The following FOXO1 variants were observed in gnomAD, a reference collection of about 807,000 sequenced individuals.
FOXO1 encodes forkhead box O1.
In FOXO1, 6 loss-of-function variants were observed where a neutral mutation model predicts 44.1. The ratio of observed to expected loss-of-function variants is 0.14; its 90% CI spans 0.07 to 0.27. The LOEUF (loss-of-function observed/expected upper bound fraction) is 0.27, where lower values mean the gene tolerates loss of function less well. Among genes scored for constraint, FOXO1 ranks in the 10% least tolerant of loss-of-function variants. The pLI is 1.00. For synonymous variants in FOXO1, 380 were observed against 362.7 expected, an observed-to-expected ratio of 1.05 and a Z score of -0.54; for missense variants, 737 against 888.8, an observed-to-expected ratio of 0.83 and a Z score of 2.17.
Position 40,560,291 on chromosome 13 carries a change from C to T in FOXO1, c.1200G>A (p.Gln400=). Reference sequence around the variant, plus strand: ...GCGCAAACGAGTAGCACGGCGTCTGCTGCATCATGGTGCCAGGTGAGGACT... The same window carrying T: ...GCGCAAACGAGTAGCACGGCGTCTGTTGCATCATGGTGCCAGGTGAGGACT... ...STQSSPGTMM[Q]QTPCYSFAPP... Residue 400 remains glutamine, a synonymous_variant, in exon 2 of 3, where the codon CAG becomes CAA. Transcript: ENST00000379561. The surrounding 1 kb of genome is among the most constrained non-coding windows in gnomAD (Gnocchi z 5.1). 6.2e-7 allele frequency: 1 copy of T among 1,614,184 alleles called. No individual in the cohort carries two copies. Among genetic ancestry groups the T allele is most frequent in the Non-Finnish European group, 8.5e-7 (1 of 1,180,044 alleles).
chr13:40,637,376 G>A (rs1323708537), intron 1 of FOXO1, among the ~76,000 whole-genome samples: 2 of 149,968 alleles, frequency 1.3e-5, no homozygotes, highest in Non-Finnish European at 3.0e-5. Context: ...CCCGGGAGGC[G>A]GAGGTTGCAG....
intron 1 of FOXO1, among the ~76,000 whole-genome samples, chr13:40,606,930 T>G (rs573522055): frequency 6.6e-6 from 1 of 152,342 alleles, no homozygotes; most frequent in South Asian, 2.1e-4. Flanking sequence ...AGTCATATCA[T>G]GCAATGCTCT....
At chr13:40,585,343 G>GCACA (rs1555248752) in intron 1 of FOXO1, among the ~76,000 whole-genome samples, 2,998 of 147,084 alleles carry the variant, frequency 0.02, 28 homozygotes, top group Middle Eastern at 0.031. Flanking sequence ...CTGCGCGCGC[G>GCACA]CACACACACA....
intron 1 of FOXO1, among the ~76,000 whole-genome samples, chr13:40,632,785 A>C (rs942049635): frequency 6.6e-5 from 10 of 152,078 alleles, no homozygotes; most frequent in Admixed American, 6.6e-4. Flanking sequence ...TCTACTAAAA[A>C]TAAAAAAAAA....
At position 40,657,373 on chromosome 13, in the gene FOXO1, C is replaced by T. The variant is rs189317082; in HGVS notation, c.630+8210G>A. Among the ~76,000 whole-genome samples, 275 of 144,164 alleles carry T rather than the reference C, an allele frequency of 1.9e-3. 1 individual carries two copies. Among genetic ancestry groups the T allele is most frequent in the African/African-American group, 6.9e-3 (266 of 38,408 alleles). 94.6% of individuals were successfully genotyped at this position (144,164 alleles called of 152,430 possible). On this transcript the variant is annotated intron_variant, in intron 1 of 2. Coordinates refer to ENST00000379561, the MANE Select transcript of FOXO1 (RefSeq NM_002015.4). ...TTGCTGTGTCGCCCAGGCTGGACTACAGTGGCGTGATCTCGGCTAACCGCA... is the reference window on the plus strand; with the variant it reads ...TTGCTGTGTCGCCCAGGCTGGACTATAGTGGCGTGATCTCGGCTAACCGCA...
At chr13:40,561,943 CAA>C (rs60373589) in intron 1 of FOXO1, among the ~76,000 whole-genome samples, 19 of 67,558 alleles carry the variant, frequency 2.8e-4, no homozygotes, top group Non-Finnish European at 3.1e-4. Flanking sequence ...ACTCTGTCGC[CAA>C]AAAAAAAAAA....
chr13:40,578,969 A>C (rs1247818477), intron 1 of FOXO1, among the ~76,000 whole-genome samples: 1 of 152,218 alleles, frequency 6.6e-6, no homozygotes, highest in East Asian at 1.9e-4. Context: ...ATGCTGATCT[A>C]ATGGCAAGAC....
intron 1 of FOXO1, among the ~76,000 whole-genome samples, chr13:40,562,457 A>C (rs995730904): frequency 2.0e-5 from 3 of 152,300 alleles, no homozygotes; most frequent in Admixed American, 2.0e-4. Flanking sequence ...AATGTGTCTT[A>C]AGTTTCCTCA....
chr13:40,574,371 G>A (rs908997511), intron 1 of FOXO1, among the ~76,000 whole-genome samples: 2 of 152,216 alleles, frequency 1.3e-5, no homozygotes, highest in African/African-American at 4.8e-5. Context: ...GCTGTATGAT[G>A]CCCTGGTGTC....
rs1593393291 is a variant in FOXO1 at position 40,596,457 on chromosome 13, GCTT to G, written c.631-35600_631-35598del. Among the ~76,000 whole-genome samples, 4 of 152,316 alleles carry G rather than the reference GCTT, an allele frequency of 2.6e-5. No individual in the cohort carries two copies. The East Asian group carries it at 7.7e-4, about 29-fold the overall frequency. On this transcript the variant is annotated intron_variant, in intron 1 of 2. Coordinates refer to ENST00000379561, the MANE Select transcript of FOXO1 (RefSeq NM_002015.4). ...TATGAGAAATGAAATTTTAAAACTA[GCTT>G]TAGGAAGAGATGTAGCTTTGGAGAT...
chr13:40,571,615 G>A (rs1189446661), intron 1 of FOXO1, among the ~76,000 whole-genome samples: 1 of 152,132 alleles, frequency 6.6e-6, no homozygotes, highest in Non-Finnish European at 1.5e-5. Context: ...AACTTCGACT[G>A]AATTAACTAC....
intron 1 of FOXO1, among the ~76,000 whole-genome samples, chr13:40,634,618 G>A (rs1221096924): frequency 6.6e-6 from 1 of 152,126 alleles, no homozygotes; most frequent in Non-Finnish European, 1.5e-5. Flanking sequence ...TTCCAGCCTG[G>A]GCAGCAGGGC....
At chr13:40,661,210 C>G (rs1231896219) in intron 1 of FOXO1, among the ~76,000 whole-genome samples, 2 of 152,180 alleles carry the variant, frequency 1.3e-5, no homozygotes, top group African/African-American at 4.8e-5. Flanking sequence ...GCATAACCCC[C>G]TCATCCATTT....
intron 1 of FOXO1, among the ~76,000 whole-genome samples, chr13:40,602,938 C>A (rs1375911910): frequency 6.6e-6 from 1 of 152,158 alleles, no homozygotes; most frequent in African/African-American, 2.4e-5. Flanking sequence ...AGGTCCCAAT[C>A]CAGAGGCAAC....
chr13:40,562,706 T>C (rs1268571226), intron 1 of FOXO1: 1 of 152,262 alleles, frequency 6.6e-6, no homozygotes, highest in African/African-American at 2.4e-5. Flanking sequence ...TGCAAATATA[T>C]GGTGAAAGGG....
At chr13:40,665,216 G>C (rs1878186976) in intron 1 of FOXO1, among the ~76,000 whole-genome samples, 1 of 152,008 alleles carries the variant, frequency 6.6e-6, no homozygotes, top group African/African-American at 2.4e-5. Flanking sequence ...AGGTCCGGGA[G>C]GGAAGGGGCA....
At chr13:40,568,059 A>G (rs1324904231) in intron 1 of FOXO1, among the ~76,000 whole-genome samples, 1 of 152,190 alleles carries the variant, frequency 6.6e-6, no homozygotes, top group Non-Finnish European at 1.5e-5. Flanking sequence ...CGTGCATTTC[A>G]GATGTGAGCA....
Position 40,648,650 on chromosome 13 carries a change from C to T in FOXO1, c.630+16933G>A, listed in dbSNP as rs1877582616. On this transcript the variant is annotated intron_variant, in intron 1 of 2. Transcript: ENST00000379561. ...CAAAATGTGTATTTCCCCACACTAT[C>T]ACAGGAAACAAAACAAGGGAATTCC... is the stretch of plus-strand genomic sequence containing the variant. Among the ~76,000 whole-genome samples the T allele has an allele frequency of 2.6e-5, 4 of 152,086 alleles. No homozygotes were observed. In the South Asian group the frequency reaches 8.3e-4, roughly 32 times the overall value.
Position 40,560,550 on chromosome 13 carries a change from C to T in FOXO1, c.941G>A (p.Arg314His), listed in dbSNP as rs760747458. ...NDDFDNWSTF[R>H]PRTSSNASTI... ...ACTAGCATTTGAGCTAGTTCGAGGG[C>T]GAAATGTACTCCAGTTATCAAAGTC... Residue 314 changes from arginine (R) to histidine (H), a missense_variant, in exon 2 of 3, where the codon CGC (arginine) becomes CAC (histidine). Physicochemically the swap from Arg to His is conservative, Grantham distance 29. Coordinates refer to ENST00000379561, the MANE Select transcript of FOXO1 (RefSeq NM_002015.4). The surrounding 1 kb of genome is among the most constrained non-coding windows in gnomAD (Gnocchi z 5.1). 11 of 1,614,108 alleles carry T rather than the reference C, an allele frequency of 6.8e-6. No homozygotes were observed. Among genetic ancestry groups the T allele is most frequent in the East Asian group, 4.5e-5 (2 of 44,882 alleles).
Sources: allele counts gnomAD v4.1 joint callset (sites outside exome capture counted in the v4.1 genomes callset), GRCh38; gene constraint gnomAD v4.1.1; non-coding constraint Gnocchi (gnomAD v3.1); transcripts MANE v1.5; gene names NCBI Gene and HGNC (gene_info 2026-07-23, HGNC 2026-07-21).